The following JARID2 variants were observed in gnomAD, a reference collection of about 807,000 sequenced individuals.
JARID2 encodes jumonji and AT-rich interaction domain containing 2.
Under a neutral mutation model 125.6 loss-of-function variants are expected in JARID2, and 21 were observed. That is an observed-to-expected ratio of 0.17 (90% CI 0.12 to 0.24). The LOEUF (loss-of-function observed/expected upper bound fraction) is 0.24. JARID2 is among the 10% of genes least tolerant of loss of function. The pLI, the probability that JARID2 is intolerant of heterozygous loss-of-function variation, is 1.00. For missense variants in JARID2, 1,303 were observed against 1,639.6 expected, an observed-to-expected ratio of 0.79 and a Z score of 3.55; for synonymous variants, 736 against 661.6, an observed-to-expected ratio of 1.11 and a Z score of -1.73.
At chr6:15,307,359 A>G (rs1181084248) in intron 1 of JARID2, among the ~76,000 whole-genome samples, 1 of 152,102 alleles carries the variant, frequency 6.6e-6, no homozygotes, top group Non-Finnish European at 1.5e-5. Flanking sequence ...AGGAGCTGGG[A>G]TCACAGGCAT....
intron 3 of JARID2, among the ~76,000 whole-genome samples, chr6:15,448,536 G>A (rs1455259921): frequency 1.3e-5 from 2 of 152,186 alleles, no homozygotes; most frequent in African/African-American, 4.8e-5. Flanking sequence ...AATACTCAGA[G>A]TGCGATTTGC....
At chr6:15,312,299 C>A (rs1038914059) in intron 1 of JARID2, among the ~76,000 whole-genome samples, 1 of 152,262 alleles carries the variant, frequency 6.6e-6, no homozygotes, top group East Asian at 1.9e-4. Context: ...GTGATCCACC[C>A]GCCTCGGCCT....
chr6:15,333,583 A>G lies in JARID2; in HGVS notation c.46-40534A>G, dbSNP rs544720787. Among the ~76,000 whole-genome samples, 3 of 152,312 alleles carry G rather than the reference A, an allele frequency of 2.0e-5. No individual in the cohort carries two copies. In the South Asian group the frequency reaches 6.2e-4, roughly 32 times the overall value. Reference sequence around the variant, plus strand: ...TGGTGGTTAAATACACATAACACCAAATTTATCATTTTAACCATTTTTTGT... The same window carrying G: ...TGGTGGTTAAATACACATAACACCAGATTTATCATTTTAACCATTTTTTGT... On this transcript the variant is annotated intron_variant, in intron 1 of 17. Coordinates refer to ENST00000341776, the MANE Select transcript of JARID2 (RefSeq NM_004973.4).
chr6:15,275,933 GA>G (rs572412889), intron 1 of JARID2, among the ~76,000 whole-genome samples: 4 of 152,094 alleles, frequency 2.6e-5, no homozygotes, highest in South Asian at 4.1e-4. Flanking sequence ...TCAGAAGGGG[GA>G]AAAAAGTTAA....
At chr6:15,385,696 C>G (rs530236506) in intron 2 of JARID2, among the ~76,000 whole-genome samples, 1 of 152,180 alleles carries the variant, frequency 6.6e-6, no homozygotes, top group African/African-American at 2.4e-5. Context: ...GGCTCAGTGG[C>G]CCACCTGCAT....
At position 15,512,234 on chromosome 6, in the gene JARID2, G is replaced by A; in HGVS notation, c.2979G>A (p.Glu993=). Reference sequence around the variant, plus strand: ...TCTCCCCGGAGGTGCTGTGCAAAGAGGGGATCAAGGTGCACAGGACCGTGC... The same window carrying A: ...TCTCCCCGGAGGTGCTGTGCAAAGAAGGGATCAAGGTGCACAGGACCGTGC... ...VMISPEVLCK[E]GIKVHRTVQQ... Residue 993 remains glutamate, a synonymous_variant, in exon 14 of 18, where the codon GAG becomes GAA. Coordinates refer to ENST00000341776, the MANE Select transcript of JARID2 (RefSeq NM_004973.4). 3 of 1,614,142 alleles carry A rather than the reference G, an allele frequency of 1.9e-6. No homozygotes were observed. The highest frequency in any genetic ancestry group is 2.5e-6 in the Non-Finnish European group (3 of 1,180,004).
In JARID2 at chr6:15,520,338, G is replaced by C; in HGVS notation, c.*87G>C. ...GAGTACTTGCTGTAGGATTCAAGCT[G>C]TCTTTGCACTAGCTCTAAAGAAGAT... On this transcript the variant is annotated 3_prime_UTR_variant, in exon 18 of 18. Transcript: ENST00000341776. 1.0e-6 allele frequency: 1 copy of C among 976,016 alleles called. No homozygotes were observed. The highest frequency in any genetic ancestry group is 1.4e-6 in the Non-Finnish European group (1 of 689,678). 60.5% of individuals were successfully genotyped at this position (976,016 alleles called of 1,614,324 possible). A position where few individuals can be genotyped will look rare whatever the true frequency, so the allele number is the denominator to read the frequency against.
intron 3 of JARID2, among the ~76,000 whole-genome samples, chr6:15,438,706 C>T (rs1010811095): frequency 6.6e-6 from 1 of 152,126 alleles, no homozygotes; most frequent in Non-Finnish European, 1.5e-5. Flanking sequence ...AGTTTCCCTC[C>T]ACAGTATCCT....
At chr6:15,342,721 A>G (rs1763109400) in intron 1 of JARID2, among the ~76,000 whole-genome samples, 1 of 152,116 alleles carries the variant, frequency 6.6e-6, no homozygotes, top group South Asian at 2.1e-4. Context: ...TACTGGCAAA[A>G]TTTTCCATAA....
intron 1 of JARID2, among the ~76,000 whole-genome samples, chr6:15,275,417 C>T (rs189872575): frequency 6.6e-6 from 1 of 151,552 alleles, no homozygotes; most frequent in Non-Finnish European, 1.5e-5. Context: ...TCACAGTCAC[C>T]TGTAATTGGA....
Position 15,308,544 on chromosome 6 carries a change from TTC to T in JARID2, c.45+61963_45+61964del, listed in dbSNP as rs908681158. 3.0e-4 allele frequency among the ~76,000 whole-genome samples: 45 copies of T among 152,350 alleles called. 1 individual carries two copies. The highest frequency in any genetic ancestry group is 1.0e-3 in the African/African-American group (43 of 41,580). On this transcript the variant is annotated intron_variant, in intron 1 of 17. Coordinates refer to ENST00000341776, the MANE Select transcript of JARID2 (RefSeq NM_004973.4). ...AAATCCAGAAAGAGAGAGTCCTGTT[TTC>T]TCCCCTGTGGTTAAATAGTGACGGT...
At position 15,379,007 on chromosome 6, in the gene JARID2, C is replaced by T. The variant is rs115166541; in HGVS notation, c.181+4755C>T. ...TGGGAACAGTGTGTGGACACTGCAG[C>T]TTGTATCTGAGCAGTGAGCTCAGCT... On this transcript the variant is annotated intron_variant, in intron 2 of 17. Coordinates refer to ENST00000341776, the MANE Select transcript of JARID2 (RefSeq NM_004973.4). 7.5e-3 allele frequency among the ~76,000 whole-genome samples: 1,139 copies of T among 152,266 alleles called. 14 individuals carry two copies. The highest frequency in any genetic ancestry group is 0.026 in the African/African-American group (1,080 of 41,538).
At chr6:15,517,339 C>A in intron 17 of JARID2, 71 bp downstream of exon 17, 1 of 1,061,772 alleles carries the variant, frequency 9.4e-7, no homozygotes, top group Non-Finnish European at 1.5e-6. Flanking sequence ...TGGATGTAGG[C>A]ACTCCGGCCT....
At chr6:15,312,919 A>G (rs572011018) in intron 1 of JARID2, among the ~76,000 whole-genome samples, 1 of 152,172 alleles carries the variant, frequency 6.6e-6, no homozygotes, top group Non-Finnish European at 1.5e-5. Context: ...CTAGGGGACA[A>G]AACAAGCAAA....
chr6:15,419,561 T>C (rs1052658406), intron 3 of JARID2, among the ~76,000 whole-genome samples: 1 of 152,230 alleles, frequency 6.6e-6, no homozygotes, highest in Non-Finnish European at 1.5e-5. Context: ...AGATCTCATT[T>C]CACCCACATT....
chr6:15,267,889 A>G (rs1321347118), intron 1 of JARID2, among the ~76,000 whole-genome samples: 2 of 152,224 alleles, frequency 1.3e-5, no homozygotes, highest in African/African-American at 4.8e-5. Flanking sequence ...ATTTAGTAAG[A>G]AGAAAGTTGG....
At chr6:15,380,060 C>A (rs559185026) in intron 2 of JARID2, among the ~76,000 whole-genome samples, 1 of 148,012 alleles carries the variant, frequency 6.8e-6, no homozygotes, top group African/African-American at 2.5e-5. Flanking sequence ...GGGATGGAGT[C>A]TTGCTTGCTC....
chr6:15,343,048 G>A (rs1312229066), intron 1 of JARID2, among the ~76,000 whole-genome samples: 2 of 152,006 alleles, frequency 1.3e-5, no homozygotes, highest in African/African-American at 2.4e-5. Context: ...TGGCCAGTGT[G>A]GTGAAACCCC....
chr6:15,267,548 C>T (rs1321328250), intron 1 of JARID2, among the ~76,000 whole-genome samples: 2 of 152,186 alleles, frequency 1.3e-5, no homozygotes, highest in African/African-American at 4.8e-5. Flanking sequence ...ACTCTGAATG[C>T]TCTGGGAATG....
Sources: allele counts gnomAD v4.1 joint callset (sites outside exome capture counted in the v4.1 genomes callset), GRCh38; gene constraint gnomAD v4.1.1; transcripts MANE v1.5; gene names NCBI Gene and HGNC (gene_info 2026-07-23, HGNC 2026-07-21).